Variants in ENOPH1 observed in about 807,000 individuals in gnomAD.
The protein encoded by ENOPH1 is enolase-phosphatase E1.
Under a neutral mutation model 31.1 loss-of-function variants are expected in ENOPH1, and 14 were observed. The ratio of observed to expected loss-of-function variants is 0.45; its 90% CI spans 0.30 to 0.70. ENOPH1 has a LOEUF of 0.70. Among genes scored for constraint, ENOPH1 ranks in the 30% least tolerant of loss-of-function variants. ENOPH1 has a pLI of 0.09. For missense variants in ENOPH1, 243 were observed against 321.5 expected (o/e 0.76, Z 1.87); for synonymous variants, 127 against 123.2 (o/e 1.03, Z -0.21).
chr4:82,454,618 A>G, intron 3 of ENOPH1, 104 bp from the exon 4 acceptor site: 1 of 1,291,872 alleles, frequency 7.7e-7, no homozygotes, highest in Non-Finnish European at 1.1e-6. Flanking sequence ...TTCTCAGGTT[A>G]CCATGTGGGC....
chr4:82,455,725 A>C (rs975339975), intron 4 of ENOPH1, among the ~76,000 whole-genome samples: 1 of 151,948 alleles, frequency 6.6e-6, no homozygotes, highest in Admixed American at 6.6e-5. Flanking sequence ...GGCGGAGCTT[A>C]CAGTGAGCTG....
At chr4:82,454,280 T>C (rs1317140998) in intron 3 of ENOPH1, among the ~76,000 whole-genome samples, 1 of 152,246 alleles carries the variant, frequency 6.6e-6, no homozygotes, top group Non-Finnish European at 1.5e-5. Context: ...AACTTTGTTT[T>C]GATTATTTTG....
chr4:82,442,793 T>G (rs1485092316), intron 1 of ENOPH1, among the ~76,000 whole-genome samples: 1 of 152,168 alleles, frequency 6.6e-6, no homozygotes, highest in Non-Finnish European at 1.5e-5. Flanking sequence ...TTGTATGATG[T>G]GATTTATATT....
intron 1 of ENOPH1, among the ~76,000 whole-genome samples, chr4:82,434,985 G>T (rs1382001061): frequency 1.3e-5 from 2 of 151,958 alleles, no homozygotes; most frequent in East Asian, 3.9e-4. Flanking sequence ...ATCAAAATTT[G>T]TTGGGAGTAG....
chr4:82,452,146 A>G (rs1275543805), intron 3 of ENOPH1, among the ~76,000 whole-genome samples: 1 of 151,018 alleles, frequency 6.6e-6, no homozygotes, highest in Non-Finnish European at 1.5e-5. Flanking sequence ...TGGTGCCATC[A>G]TAGCTCACTG....
chr4:82,455,297 C>A (rs1722455762), intron 4 of ENOPH1, among the ~76,000 whole-genome samples: 1 of 152,202 alleles, frequency 6.6e-6, no homozygotes. Context: ...GCTAGCCCCT[C>A]TGTGTCATCA....
intron 3 of ENOPH1, among the ~76,000 whole-genome samples, chr4:82,453,946 C>T (rs936258739): frequency 6.6e-6 from 1 of 151,998 alleles, no homozygotes. Flanking sequence ...TGGCTCATGC[C>T]TGTAATCCCA....
At chr4:82,458,585 A>G (rs1400443040) in intron 5 of ENOPH1, among the ~76,000 whole-genome samples, 1 of 152,234 alleles carries the variant, frequency 6.6e-6, no homozygotes, top group Non-Finnish European at 1.5e-5. Flanking sequence ...TTACAACAGT[A>G]GAGCAAATAG....
At chr4:82,452,900 CTTT>C (rs761337281) in intron 3 of ENOPH1, among the ~76,000 whole-genome samples, 6 of 115,912 alleles carry the variant, frequency 5.2e-5, no homozygotes, top group African/African-American at 6.9e-5. Flanking sequence ...CTGAGAAATT[CTTT>C]TTTTTTTTTT....
At position 82,460,116 on chromosome 4, in the gene ENOPH1, C is replaced by T. The variant is rs1314868728; in HGVS notation, c.782C>T (p.Thr261Ile). The change falls in exon 6 of 6, where the codon ACC (threonine) becomes ATC (isoleucine). Residue 261 changes from threonine (T) to isoleucine (I), a missense_variant. Transcript: ENST00000273920. ...AGTGAACTATACCTGCCTTCCTCAA[C>T]CTAGAGAAGGGTTGTTAAGGCAGAC... ...SFSELYLPSS[T>I] is the part of the protein sequence containing the mutation. 12 of 1,614,168 alleles carry T rather than the reference C, an allele frequency of 7.4e-6. No homozygotes were observed. Among genetic ancestry groups the T allele is most frequent in the Non-Finnish European group, 1.0e-5 (12 of 1,180,004 alleles).
At chr4:82,430,998 G>C in intron 1 of ENOPH1, 85 bp downstream of exon 1, 1 of 1,270,158 alleles carries the variant, frequency 7.9e-7, no homozygotes, top group South Asian at 1.3e-5. Context: ...TTGCATTGGA[G>C]ACGAGGGTTA....
Position 82,446,398 on chromosome 4 carries a change from G to A in ENOPH1, c.85-1522G>A, listed in dbSNP as rs576528345. On this transcript the variant is annotated intron_variant, in intron 1 of 5. Coordinates refer to ENST00000273920, the MANE Select transcript of ENOPH1 (RefSeq NM_021204.5). The stretch of plus-strand genomic sequence containing the variant: ...GATCTCACCACTGCACTCCAGCCTG[G>A]GCAATAAAGCAAGACTCCATCTCAA... Among the ~76,000 whole-genome samples the A allele has an allele frequency of 7.9e-5, 12 of 150,994 alleles. No individual in the cohort carries two copies. In the South Asian group the frequency reaches 2.5e-3, roughly 32 times the overall value.
At chr4:82,433,842 T>G (rs1305637636) in intron 1 of ENOPH1, among the ~76,000 whole-genome samples, 1 of 152,220 alleles carries the variant, frequency 6.6e-6, no homozygotes, top group Admixed American at 6.5e-5. Flanking sequence ...TTTAAACACC[T>G]TTTAAAGAGA....
chr4:82,453,542 C>T (rs1310162184), intron 3 of ENOPH1, among the ~76,000 whole-genome samples: 1 of 152,184 alleles, frequency 6.6e-6, no homozygotes, highest in Non-Finnish European at 1.5e-5. Context: ...TGAGTGCAAA[C>T]TAGTACTCAG....
In ENOPH1 at chr4:82,430,762, A is replaced by G. The variant is rs1021237554; in HGVS notation, c.-68A>G. ...AGCCCAAGACGGTACCGGGGGCCGC[A>G]GCCGCAGCCGGCGCCGCCCTCCGCC... On this transcript the variant is annotated 5_prime_UTR_variant, in exon 1 of 6. Coordinates refer to ENST00000273920, the MANE Select transcript of ENOPH1 (RefSeq NM_021204.5). 2 of 1,490,226 alleles carry G rather than the reference A, an allele frequency of 1.3e-6. No homozygotes were observed. Among genetic ancestry groups the G allele is most frequent in the Non-Finnish European group, 1.9e-6 (2 of 1,070,806 alleles). 92.3% of individuals were successfully genotyped at this position (1,490,226 alleles called of 1,614,324 possible). A position where few individuals can be genotyped will look rare whatever the true frequency, so the allele number is the denominator to read the frequency against.
intron 1 of ENOPH1, among the ~76,000 whole-genome samples, chr4:82,446,688 TC>T (rs369182901): frequency 8.9e-6 from 1 of 112,498 alleles, no homozygotes; most frequent in Non-Finnish European, 1.7e-5. Context: ...TGTGACGGAA[TC>T]TTTTTTTTTT....
At chr4:82,454,069 CT>C (rs1722421059) in intron 3 of ENOPH1, among the ~76,000 whole-genome samples, 1 of 144,688 alleles carries the variant, frequency 6.9e-6, no homozygotes, top group Non-Finnish European at 1.5e-5. Flanking sequence ...AAAAAAAAAG[CT>C]GGGGGTGGTA....
intron 1 of ENOPH1, among the ~76,000 whole-genome samples, chr4:82,441,299 A>G (rs143967053): frequency 1.8e-4 from 27 of 152,254 alleles, no homozygotes; most frequent in Non-Finnish European, 3.8e-4. Flanking sequence ...GGCAGGCAAG[A>G]GGGCATGTTC....
At chr4:82,447,879 TA>T (rs779208704) in intron 1 of ENOPH1, 40 bp from the exon 2 acceptor site, 19 of 1,296,064 alleles carry the variant, frequency 1.5e-5, no homozygotes, top group Non-Finnish European at 2.0e-5. Context: ...TTACAACTGA[TA>T]AAAGCTAACT....
Sources: allele counts gnomAD v4.1 joint callset (sites outside exome capture counted in the v4.1 genomes callset), GRCh38; gene constraint gnomAD v4.1.1; transcripts MANE v1.5; gene names NCBI Gene and HGNC (gene_info 2026-07-23, HGNC 2026-07-21).